The following PATJ variants were observed in gnomAD, a reference collection of about 807,000 sequenced individuals.
The protein encoded by PATJ is inaD-like protein.
A neutral mutation model predicts 224.9 loss-of-function variants in PATJ; 190 were observed. The ratio of observed to expected loss-of-function variants is 0.84; its 90% confidence interval spans 0.75 to 0.95. PATJ has a LOEUF of 0.95. PATJ is among the 40% of genes least tolerant of loss of function. The probability of loss-of-function intolerance (pLI) is 0.00; values close to 1 mark genes in which losing one functional copy is unlikely to be tolerated. For synonymous variants in PATJ, 769 were observed against 820.3 expected, an observed-to-expected ratio of 0.94 and a Z score of 1.07; for missense variants, 2,121 against 2,270.3, an observed-to-expected ratio of 0.93 and a Z score of 1.34.
intron 5 of PATJ, among the ~76,000 whole-genome samples, chr1:61,771,053 A>G (rs1281063759): frequency 6.6e-6 from 1 of 152,096 alleles, no homozygotes; most frequent in Non-Finnish European, 1.5e-5. Context: ...AGTTGAGAAT[A>G]TTGTTACCCC....
intron 17 of PATJ, among the ~76,000 whole-genome samples, chr1:61,835,372 C>CA (rs1458542592): frequency 6.6e-6 from 1 of 151,878 alleles, no homozygotes; most frequent in African/African-American, 2.4e-5. Context: ...TTAGGTTAGC[C>CA]AAAAATAGGC....
chr1:61,878,087 C>T (rs569829849), intron 21 of PATJ, among the ~76,000 whole-genome samples: 28 of 152,362 alleles, frequency 1.8e-4, no homozygotes, highest in Non-Finnish European at 4.1e-4. Flanking sequence ...TTTTAAACTG[C>T]ACCAACCTAT....
At chr1:62,140,970 TG>T (rs1184618224) in intron 41 of PATJ, among the ~76,000 whole-genome samples, 11 of 151,922 alleles carry the variant, frequency 7.2e-5, no homozygotes. Flanking sequence ...TTCTAGGAAG[TG>T]GGGGTGAGGT....
At chr1:62,084,396 T>C in intron 32 of PATJ, 119 bp from the exon 33 acceptor site, 1 of 1,055,394 alleles carries the variant, frequency 9.5e-7, no homozygotes, top group Non-Finnish European at 1.3e-6. Flanking sequence ...TCATGGTGTT[T>C]GGCAGGAAAA....
intron 17 of PATJ, among the ~76,000 whole-genome samples, chr1:61,849,234 T>C (rs1662439212): frequency 6.6e-6 from 1 of 152,134 alleles, no homozygotes; most frequent in Non-Finnish European, 1.5e-5. Flanking sequence ...AATACAGCTG[T>C]AGAGCAGGTA....
intron 35 of PATJ, among the ~76,000 whole-genome samples, chr1:62,116,045 T>A (rs751871747): frequency 6.6e-6 from 1 of 152,194 alleles, no homozygotes; most frequent in African/African-American, 2.4e-5. Context: ...GTATACCTGG[T>A]GCGGTTTTAT....
chr1:61,764,878 C>T (rs2148310019), intron 3 of PATJ, among the ~76,000 whole-genome samples: 1 of 152,122 alleles, frequency 6.6e-6, no homozygotes, highest in East Asian at 1.9e-4. Flanking sequence ...CTGAAATTGG[C>T]AAAGATCAGC....
intron 27 of PATJ, among the ~76,000 whole-genome samples, chr1:61,973,950 C>G (rs1390800856): frequency 1.3e-5 from 2 of 151,656 alleles, no homozygotes; most frequent in Non-Finnish European, 2.9e-5. Flanking sequence ...AGGGACTTAT[C>G]TTAGTGTTCT....
At position 62,051,059 on chromosome 1, in the gene PATJ, G is replaced by T. The variant is rs1424945402; in HGVS notation, c.4125+1G>T. 1 of 1,605,178 alleles carries T rather than the reference G, an allele frequency of 6.2e-7. No homozygotes were observed. The highest frequency in any genetic ancestry group is 2.2e-5 in the East Asian group (1 of 44,812). ...GCCTGAAAGTGAAAGCTTCAAACTG[G>T]TGAGAATCTTGAGTATTTTTCATCC... On this transcript the variant is annotated splice_donor_variant, in intron 31 of 43. Coordinates refer to ENST00000642238, the MANE Select transcript of PATJ (RefSeq NM_001350145.3). LOFTEE classifies it high-confidence loss of function.
intron 11 of PATJ, among the ~76,000 whole-genome samples, chr1:61,799,785 T>G (rs2148573895): frequency 6.6e-6 from 1 of 152,290 alleles, no homozygotes; most frequent in African/African-American, 2.4e-5. Context: ...TTGTTTAGCT[T>G]AGTGAGAACA....
intron 31 of PATJ, among the ~76,000 whole-genome samples, chr1:62,074,509 C>T (rs1030940229): frequency 1.3e-5 from 2 of 152,026 alleles, no homozygotes; most frequent in African/African-American, 4.8e-5. Context: ...TCATAGCTCA[C>T]TCTAACCTCA....
At chr1:61,961,626 A>G (rs1353962788) in intron 27 of PATJ, among the ~76,000 whole-genome samples, 1 of 152,198 alleles carries the variant, frequency 6.6e-6, no homozygotes, top group Non-Finnish European at 1.5e-5. Context: ...GAAAAGTACC[A>G]ACCTGACAGC....
intron 25 of PATJ, among the ~76,000 whole-genome samples, chr1:61,913,049 G>A (rs950851485): frequency 2.0e-5 from 3 of 152,192 alleles, no homozygotes; most frequent in East Asian, 1.9e-4. Context: ...TGTTTTTTAC[G>A]TAAATGACAC....
At chr1:62,081,405 GAAGTA>G (rs2148738979) in intron 32 of PATJ, among the ~76,000 whole-genome samples, 1 of 152,282 alleles carries the variant, frequency 6.6e-6, no homozygotes, top group East Asian at 1.9e-4. Context: ...TTCCATGAGA[GAAGTA>G]AATAAAAAGA....
chr1:61,813,342 T>TAGATAG (rs201945971), intron 14 of PATJ, among the ~76,000 whole-genome samples: 7 of 45,548 alleles, frequency 1.5e-4, no homozygotes, highest in Admixed American at 1.2e-3. Flanking sequence ...TACATATATA[T>TAGATAG]ATATATATAT....
intron 27 of PATJ, among the ~76,000 whole-genome samples, chr1:61,989,590 A>G (rs557280579): frequency 1.3e-5 from 2 of 152,300 alleles, no homozygotes; most frequent in East Asian, 3.9e-4. Context: ...TTAAATCTCT[A>G]AGACCAAATA....
At position 61,864,322 on chromosome 1, in the gene PATJ, A is replaced by C; in HGVS notation, c.2524A>C (p.Lys842Gln). 1 of 1,614,104 alleles carries C rather than the reference A, an allele frequency of 6.2e-7. No individual in the cohort carries two copies. The highest frequency in any genetic ancestry group is 1.1e-5 in the South Asian group (1 of 91,080). ...DLGKSFHSQQKEIEQSKEAWE... is the reference protein window; with the variant it reads ...DLGKSFHSQQQEIEQSKEAWE... Reference sequence around the variant, plus strand: ...GGGAAAGTCTTTCCATTCCCAACAAAAAGAGATAGAGCAAAGCAAGGAGGC... The same window carrying C: ...GGGAAAGTCTTTCCATTCCCAACAACAAGAGATAGAGCAAAGCAAGGAGGC... The change falls in exon 20 of 44, where the codon AAA becomes CAA. Residue 842 changes from lysine (K) to glutamine (Q), a missense_variant. Physicochemically the swap from Lys to Gln is moderately conservative, Grantham distance 53. Transcript: ENST00000642238.
At chr1:62,064,046 G>A (rs571098399) in intron 31 of PATJ, among the ~76,000 whole-genome samples, 6 of 152,148 alleles carry the variant, frequency 3.9e-5, no homozygotes, top group Non-Finnish European at 8.8e-5. Context: ...TGTTGAATAG[G>A]AGTGGTGAGA....
intron 27 of PATJ, among the ~76,000 whole-genome samples, chr1:61,987,558 G>A (rs953317753): frequency 6.6e-6 from 1 of 152,068 alleles, no homozygotes; most frequent in Non-Finnish European, 1.5e-5. Flanking sequence ...GGTTGAATCC[G>A]GGAGAAAAGG....
Sources: allele counts gnomAD v4.1 joint callset (sites outside exome capture counted in the v4.1 genomes callset), GRCh38; gene constraint gnomAD v4.1.1; transcripts MANE v1.5; gene names NCBI Gene and HGNC (gene_info 2026-07-23, HGNC 2026-07-21).